The following C3 variants were observed in gnomAD, a reference collection of about 807,000 sequenced individuals.
The protein encoded by C3 is C3 and PZP-like alpha-2-macroglobulin domain-containing protein 1.
C3 carries 97 observed loss-of-function variants against 207.9 expected under a neutral mutation model. The observed-to-expected ratio is 0.47, with a 90% CI of 0.40 to 0.55. The LOEUF is 0.55. Among genes scored for constraint, C3 ranks in the 20% least tolerant of loss-of-function variants. The pLI, the probability that C3 is intolerant of heterozygous loss-of-function variation, is 0.00. For missense variants in C3, 1,684 were observed against 2,171.7 expected (o/e 0.78, Z 4.46); for synonymous variants, 848 against 857.6 (o/e 0.99, Z 0.20).
chr19:6,695,264 G>A (rs1469878309), intron 23 of C3, among the ~76,000 whole-genome samples: 4 of 136,006 alleles, frequency 2.9e-5, no homozygotes, highest in African/African-American at 9.6e-5. Context: ...GTGAGACTCC[G>A]CCTCAAAAAA....
chr19:6,682,320 A>G (rs1917886309), intron 33 of C3, 91 bp from the exon 34 acceptor site: 2 of 915,720 alleles, frequency 2.2e-6, no homozygotes, highest in African/African-American at 1.6e-5. Flanking sequence ...TCAGGCACTG[A>G]GACTTCTGAT....
chr19:6,690,066 C>T (rs1024374918), intron 27 of C3, among the ~76,000 whole-genome samples: 1 of 152,140 alleles, frequency 6.6e-6, no homozygotes, highest in Non-Finnish European at 1.5e-5. Flanking sequence ...CCAAGCTTCC[C>T]TGCTTCAGAA....
chr19:6,684,496 A>T, intron 32 of C3, 57 bp from the exon 33 acceptor site: 1 of 1,579,618 alleles, frequency 6.3e-7, no homozygotes, highest in Non-Finnish European at 8.7e-7. Context: ...TTGATTCAGG[A>T]GCGGGGAAGA....
chr19:6,720,644 G>T lies in C3; in HGVS notation c.-55C>A. On this transcript the variant is annotated 5_prime_UTR_variant, in exon 1 of 41. Transcript: ENST00000245907. Reference sequence around the variant, plus strand: ...CAGAGGGACAGAGGGAGAGGATGGGGAGGAGTGAGCAGCGCCTGCTGGAGC... The same window carrying T: ...CAGAGGGACAGAGGGAGAGGATGGGTAGGAGTGAGCAGCGCCTGCTGGAGC... 7.2e-7 allele frequency: 1 copy of T among 1,396,582 alleles called. No individual in the cohort carries two copies. Among genetic ancestry groups the T allele is most frequent in the South Asian group, 1.2e-5 (1 of 80,408 alleles). 86.5% of individuals were successfully genotyped at this position (1,396,582 alleles called of 1,614,324 possible). A position where few individuals can be genotyped will look rare whatever the true frequency, so the allele number is the denominator to read the frequency against.
At position 6,712,740 on chromosome 19, in the gene C3, T is replaced by G. The variant is rs941938878; in HGVS notation, c.1004-117A>C. The G allele has an allele frequency of 5.8e-6, 5 of 863,948 alleles. No homozygotes were observed. The African/African-American group carries it at 8.2e-5, about 14-fold the overall frequency. 53.5% of individuals were successfully genotyped at this position (863,948 alleles called of 1,614,324 possible). On this transcript the variant is annotated intron_variant, in intron 9 of 40. Coordinates refer to ENST00000245907, the MANE Select transcript of C3 (RefSeq NM_000064.4). ...TCCTCCCTCAGAGTAGAGTCCACTTTCATACTGGGCCTGTGCCCCCCATCA... is the reference window on the plus strand; with the variant it reads ...TCCTCCCTCAGAGTAGAGTCCACTTGCATACTGGGCCTGTGCCCCCCATCA...
At chr19:6,704,578 G>A (rs1052465068) in intron 17 of C3, among the ~76,000 whole-genome samples, 1 of 152,020 alleles carries the variant, frequency 6.6e-6, no homozygotes, top group African/African-American at 2.4e-5. Flanking sequence ...GGCCAACACG[G>A]TGAAACCTCT....
chr19:6,688,357 C>T (rs886186350), intron 27 of C3, among the ~76,000 whole-genome samples: 1 of 152,194 alleles, frequency 6.6e-6, no homozygotes, highest in African/African-American at 2.4e-5. Flanking sequence ...TGGTTTTGAA[C>T]TCCTGACCTC....
intron 2 of C3, among the ~76,000 whole-genome samples, chr19:6,718,730 G>A (rs902919211): frequency 6.6e-6 from 1 of 151,112 alleles, no homozygotes; most frequent in African/African-American, 2.4e-5. Flanking sequence ...AGGGAACTTA[G>A]AAAGTGATGG....
chr19:6,680,365 G>A, intron 35 of C3, 102 bp from the exon 36 acceptor site: 1 of 746,202 alleles, frequency 1.3e-6, no homozygotes, highest in Non-Finnish European at 2.5e-6. Flanking sequence ...GGATCAAGGA[G>A]GAAGTGGCAA....
At chr19:6,692,806 C>CCCCCAA in intron 26 of C3, 118 bp downstream of exon 26, 1 of 1,293,138 alleles carries the variant, frequency 7.7e-7, no homozygotes, top group East Asian at 2.3e-5. Context: ...CCCCCCAGCC[C>CCCCCAA]AATCTTTGCA....
At chr19:6,709,546 C>T in intron 14 of C3, 138 bp downstream of exon 14, 2 of 973,812 alleles carry the variant, frequency 2.1e-6, no homozygotes, top group Non-Finnish European at 3.3e-6. Flanking sequence ...TTCAACCATC[C>T]CTGTGTCTGG....
chr19:6,687,339 C>T (rs181847932), intron 27 of C3, among the ~76,000 whole-genome samples: 1 of 152,272 alleles, frequency 6.6e-6, no homozygotes, highest in Non-Finnish European at 1.5e-5. Flanking sequence ...ACTGTGAACA[C>T]CTCATCCAGT....
chr19:6,687,128 G>A (rs1918029848), intron 27 of C3, among the ~76,000 whole-genome samples: 2 of 152,108 alleles, frequency 1.3e-5, no homozygotes, highest in Non-Finnish European at 2.9e-5. Context: ...CCCGTGGTGT[G>A]CTGGTAAAAG....
chr19:6,707,714 G>T (rs577949822), intron 15 of C3, 86 bp downstream of exon 15: 4 of 1,589,534 alleles, frequency 2.5e-6, no homozygotes, highest in Non-Finnish European at 3.4e-6. Flanking sequence ...TTGAACCCAG[G>T]CCCCCGGTTT....
intron 14 of C3, 61 bp downstream of exon 14, chr19:6,709,622 TC>T: frequency 6.9e-6 from 3 of 433,668 alleles, no homozygotes; most frequent in Non-Finnish European, 4.0e-6. Flanking sequence ...CCCACCCACC[TC>T]CCCCAGCCCC....
At chr19:6,704,270 G>C (rs1967728916) in intron 17 of C3, among the ~76,000 whole-genome samples, 1 of 152,190 alleles carries the variant, frequency 6.6e-6, no homozygotes, top group Non-Finnish European at 1.5e-5. Flanking sequence ...CTGGGCGAAA[G>C]AGCAAGATCC....
chr19:6,719,326 C>T lies in C3; in HGVS notation c.152G>A (p.Gly51Glu), dbSNP rs866471464. 1.2e-6 allele frequency: 2 copies of T among 1,614,020 alleles called. No individual in the cohort carries two copies. The highest frequency in any genetic ancestry group is 1.7e-6 in the Non-Finnish European group (2 of 1,179,982). Residue 51 changes from glycine to glutamate, a missense_variant, in exon 2 of 41, where the codon GGG (glycine) becomes GAG (glutamate). Around this residue, in one of 3 missense-constraint regions of C3, gnomAD observed 1,280 missense variants for 1,739.1 expected, o/e 0.74. Coordinates refer to ENST00000245907, the MANE Select transcript of C3 (RefSeq NM_000064.4). The surrounding 1 kb of genome is among the most constrained non-coding windows in gnomAD (Gnocchi z 5.4). ...GACAGTAACAGTGACTGGAACATCC[C>T]CTTGCGCGTCGTGGGCCTCCAGCAC... ...TMVLEAHDAQ[G>E]DVPVTVTVHD...
chr19:6,691,814 G>A (rs377082462), intron 26 of C3, among the ~76,000 whole-genome samples: 50 of 152,072 alleles, frequency 3.3e-4, no homozygotes, highest in African/African-American at 1.1e-3. Flanking sequence ...GTGAAACCCC[G>A]TCTCTACTAA....
At chr19:6,702,380 G>T in intron 18 of C3, 91 bp downstream of exon 18, 1 of 1,055,936 alleles carries the variant, frequency 9.5e-7, no homozygotes, top group Non-Finnish European at 1.5e-6. Context: ...GGGTTGCACT[G>T]TGATTCCAGA....
Sources: allele counts gnomAD v4.1 joint callset (sites outside exome capture counted in the v4.1 genomes callset), GRCh38; gene constraint gnomAD v4.1.1; regional missense constraint gnomAD v4.1.1; non-coding constraint Gnocchi (gnomAD v3.1); transcripts MANE v1.5; gene names NCBI Gene and HGNC (gene_info 2026-07-23, HGNC 2026-07-21).